The following MGST1 variants were observed in gnomAD, a reference collection of about 807,000 sequenced individuals.
The protein encoded by MGST1 is microsomal glutathione S-transferase 1, also known as glutathione S-transferase 12.
A neutral mutation model predicts 8.9 loss-of-function variants in MGST1; 5 were observed. That is an observed-to-expected ratio of 0.56 (90% confidence interval 0.29 to 1.19). The LOEUF is 1.19. Among genes scored for constraint, MGST1 ranks in the 50% most tolerant of loss-of-function variants. The pLI is 0.08. For missense variants in MGST1, 182 were observed against 187.4 expected, an observed-to-expected ratio of 0.97 and a Z score of 0.17; for synonymous variants, 54 against 67.8, an observed-to-expected ratio of 0.80 and a Z score of 1.00.
chr12:16,496,046 G>GC (rs1286824757), intron 4 of MGST1, among the ~76,000 whole-genome samples: 2 of 152,092 alleles, frequency 1.3e-5, no homozygotes, highest in Non-Finnish European at 2.9e-5. Context: ...CTCATATGCT[G>GC]CAGGTGCATG....
At chr12:16,477,786 A>G (rs986187225) in intron 4 of MGST1, among the ~76,000 whole-genome samples, 1 of 152,094 alleles carries the variant, frequency 6.6e-6, no homozygotes, top group Non-Finnish European at 1.5e-5. Flanking sequence ...TATTTTGTTC[A>G]TTCTGTCCCT....
chr12:16,477,340 T>C (rs1941330234), intron 4 of MGST1, among the ~76,000 whole-genome samples: 1 of 152,160 alleles, frequency 6.6e-6, no homozygotes, highest in African/African-American at 2.4e-5. Context: ...CTCTTTTATT[T>C]ATAGATAGCC....
rs1013201967 is a variant in MGST1 at position 16,546,531 on chromosome 12, G to A, written n.483-42997G>A. On this transcript the variant is annotated intron_variant and non_coding_transcript_variant, in intron 4 of 4. Transcript: ENST00000538857. This position sits in a 1 kb window ranked among gnomAD's most constrained non-coding sequence, Gnocchi z 4.7. ...TGGTCTTTATAATTTTGTGCATTAC[G>A]TGATCTGCACGCCCAAAACAGGAGT... Among the ~76,000 whole-genome samples the A allele has an allele frequency of 5.3e-5, 8 of 152,072 alleles. No homozygotes were observed. Among genetic ancestry groups the A allele is most frequent in the African/African-American group, 1.2e-4 (5 of 41,422 alleles).
At chr12:16,445,234 G>A (rs1197466199) in intron 4 of MGST1, among the ~76,000 whole-genome samples, 1 of 151,798 alleles carries the variant, frequency 6.6e-6, no homozygotes, top group Non-Finnish European at 1.5e-5. Flanking sequence ...CAAAAGGCTA[G>A]TAGGGATTGT....
intron 4 of MGST1, among the ~76,000 whole-genome samples, chr12:16,558,782 G>A (rs1249570175): frequency 1.3e-5 from 2 of 152,094 alleles, no homozygotes; most frequent in African/African-American, 2.4e-5. Context: ...GGAAAGTCAA[G>A]TTAATGGAAT....
At chr12:16,551,985 C>T (rs1393969201) in intron 4 of MGST1, among the ~76,000 whole-genome samples, 1 of 151,948 alleles carries the variant, frequency 6.6e-6, no homozygotes, top group African/African-American at 2.4e-5. Flanking sequence ...ACTTCCAATT[C>T]AACCAAAGGG....
intron 4 of MGST1, among the ~76,000 whole-genome samples, chr12:16,570,351 A>G (rs746976320): frequency 2.6e-5 from 4 of 152,050 alleles, no homozygotes; most frequent in Non-Finnish European, 5.9e-5. Context: ...TCCATACACT[A>G]TATATAAAAG....
chr12:16,447,108 T>C (rs757036130), intron 4 of MGST1, among the ~76,000 whole-genome samples: 10 of 151,932 alleles, frequency 6.6e-5, no homozygotes, highest in Non-Finnish European at 1.0e-4. Context: ...TTCTAAGAGA[T>C]GCCATAGCAG....
chr12:16,364,587 G>A (rs953233122), downstream of MGST1, among the ~76,000 whole-genome samples: 1 of 152,078 alleles, frequency 6.6e-6, no homozygotes, highest in African/African-American at 2.4e-5. The surrounding 1 kb of genome is among the most constrained non-coding windows in gnomAD (Gnocchi z 5.7). Context: ...ACATCTGAGA[G>A]TAAGTGGCAG....
chr12:16,372,596 G>A (rs1940312197), intron 3 of MGST1, among the ~76,000 whole-genome samples: 1 of 152,038 alleles, frequency 6.6e-6, no homozygotes, highest in South Asian at 2.1e-4. Flanking sequence ...AATTAGTGCA[G>A]CCACTTGTGG....
chr12:16,583,624 T>C (rs1303753733), intron 4 of MGST1, among the ~76,000 whole-genome samples: 2 of 152,198 alleles, frequency 1.3e-5, no homozygotes, highest in Non-Finnish European at 2.9e-5. Flanking sequence ...AGAGGCTGAT[T>C]TATATCAAAC....
chr12:16,462,793 G>A (rs959349394), intron 4 of MGST1, among the ~76,000 whole-genome samples: 7 of 152,126 alleles, frequency 4.6e-5, no homozygotes, highest in African/African-American at 7.2e-5. Context: ...CCAAGATCAC[G>A]TGGTAGCTAA....
rs1940904723 is a variant in MGST1 at position 16,427,989 on chromosome 12, G to A, written n.779-9399G>A. Among the ~76,000 whole-genome samples the A allele has an allele frequency of 2.0e-5, 3 of 151,282 alleles. No homozygotes were observed. In the South Asian group the frequency reaches 6.3e-4, roughly 32 times the overall value. ...ATACATTGTTTTTATTCTCTTTTGT[G>A]TTCTTTCTGTTTAGTCTTTATTTCT... On this transcript the variant is annotated intron_variant and non_coding_transcript_variant, in intron 1 of 1. Transcript: ENST00000359720.
chr12:16,581,891 A>G (rs1208818560), intron 4 of MGST1, among the ~76,000 whole-genome samples: 1 of 152,060 alleles, frequency 6.6e-6, no homozygotes, highest in African/African-American at 2.4e-5. Flanking sequence ...TTACTTTTTT[A>G]TTTAGCTGCT....
intron 1 of MGST1, chr12:16,402,451 G>A: frequency 6.3e-7 from 1 of 1,596,320 alleles, no homozygotes; most frequent in Non-Finnish European, 8.6e-7. Context: ...CTCGGGTTCT[G>A]AGAATCACGC....
chr12:16,394,303 CT>C (rs75287029), intron 1 of MGST1, among the ~76,000 whole-genome samples: 12,045 of 151,392 alleles, frequency 0.08, 585 homozygotes, highest in East Asian at 0.22. Flanking sequence ...GGAGTTTTGC[CT>C]TTTGGAAATG....
rs1940655277 is a variant in MGST1 at position 16,401,472 on chromosome 12, T to A, written n.778+17868T>A. 2.4e-6 allele frequency: 2 copies of A among 834,552 alleles called. No homozygotes were observed. The highest frequency in any genetic ancestry group is 3.6e-5 in the Admixed American group (2 of 54,894). The allele number at this position is 834,552 out of a possible 1,614,324, so 51.7% of individuals were successfully genotyped here. A position where few individuals can be genotyped will look rare whatever the true frequency, so the allele number is the denominator to read the frequency against. The stretch of plus-strand genomic sequence containing the variant: ...ATACATCACATATCTTCACACCATG[T>A]CTTAATTCCTTCAGCAGCTCTTCTT... On this transcript the variant is annotated intron_variant and non_coding_transcript_variant, in intron 1 of 1. Transcript: ENST00000359720. The surrounding 1 kb of genome is among the most constrained non-coding windows in gnomAD (Gnocchi z 4.3).
chr12:16,479,395 C>A (rs1005187819), intron 4 of MGST1, among the ~76,000 whole-genome samples: 1 of 151,230 alleles, frequency 6.6e-6, no homozygotes, highest in South Asian at 2.1e-4. Flanking sequence ...CCACCACGCC[C>A]GGCTAATTTT....
rs114170646 is a variant in MGST1 at position 16,505,812 on chromosome 12, C to A, written n.483-83716C>A. 4.7e-3 allele frequency among the ~76,000 whole-genome samples: 718 copies of A among 152,276 alleles called. 6 individuals are homozygous for A. The highest frequency in any genetic ancestry group is 0.016 in the African/African-American group (673 of 41,540). ...CACCTTATTGCTTCAAGCAGGGTCA[C>A]AAACTCAAATGCCCTTAGAAGGCAG... is the stretch of plus-strand genomic sequence containing the variant. On this transcript the variant is annotated intron_variant and non_coding_transcript_variant, in intron 4 of 4. Transcript: ENST00000538857.
Sources: gnomAD v4.1 joint callset for allele counts (sites outside exome capture counted in the v4.1 genomes callset) on GRCh38, gnomAD v4.1.1 for gene constraint, Gnocchi (gnomAD v3.1) non-coding constraint, MANE v1.5 for transcripts, NCBI Gene and HGNC (gene_info 2026-07-23, HGNC 2026-07-21) for gene names.